The following CCDC33 variants were observed in gnomAD, a reference collection of about 807,000 sequenced individuals.
The protein encoded by CCDC33 is coiled-coil domain-containing protein 33.
A neutral mutation model predicts 91.9 loss-of-function variants in CCDC33; 94 were observed. The ratio of observed to expected loss-of-function variants is 1.02; its 90% CI spans 0.87 to 1.21. CCDC33 has a LOEUF of 1.21. CCDC33 is among the 50% of genes most tolerant of loss of function. The pLI is 0.00. For synonymous variants in CCDC33, 396 were observed against 374.5 expected (o/e 1.06, Z -0.66); for missense variants, 940 against 935.5 (o/e 1.00, Z -0.06).
At chr15:74,318,473 G>T in intron 11 of CCDC33, 3 of 553,762 alleles carry the variant, frequency 5.4e-6, no homozygotes, top group Non-Finnish European at 6.4e-6. Context: ...AAGGGGAAGT[G>T]GCCCCATGGG....
intron 11 of CCDC33, among the ~76,000 whole-genome samples, chr15:74,306,467 A>G (rs531175752): frequency 6.6e-6 from 1 of 152,286 alleles, no homozygotes; most frequent in South Asian, 2.1e-4. Flanking sequence ...TGTTGGTGGA[A>G]GGGAAATGAA....
chr15:74,208,789 C>T, intron 1 of CCDC33: 1 of 988,838 alleles, frequency 1.0e-6, no homozygotes, highest in Non-Finnish European at 1.2e-6. Flanking sequence ...CCAGACTTGG[C>T]TCCAGCCTAC....
intron 7 of CCDC33, among the ~76,000 whole-genome samples, chr15:74,279,290 TG>T (rs2076528008): frequency 6.6e-6 from 1 of 152,180 alleles, no homozygotes; most frequent in African/African-American, 2.4e-5. Context: ...ACTCAAGTCA[TG>T]GGTAATGAGC....
intron 3 of CCDC33, among the ~76,000 whole-genome samples, chr15:74,265,554 G>T (rs1306306057): frequency 6.6e-6 from 1 of 152,128 alleles, no homozygotes; most frequent in African/African-American, 2.4e-5. Flanking sequence ...GAGCTCCATT[G>T]TTCATATTTT....
rs1456617537 is a variant in CCDC33 at position 74,217,232 on chromosome 15, G to A, written c.-40G>A. 3.3e-6 allele frequency: 4 copies of A among 1,221,954 alleles called. No homozygotes were observed. The South Asian group carries it at 4.3e-5, about 13-fold the overall frequency. 75.7% of individuals were successfully genotyped at this position (1,221,954 alleles called of 1,614,324 possible). A position where few individuals can be genotyped will look rare whatever the true frequency, so the allele number is the denominator to read the frequency against. On this transcript the variant is annotated 5_prime_UTR_variant, in exon 1 of 3. Transcript: ENST00000635913. ...GGTCCAGGCTGGGCTGTGGGTGAGA[G>A]GGTGCAGTGCTCAGCCTGGCAGTTG...
chr15:74,239,946 A>G (rs2075294035), intron 1 of CCDC33, among the ~76,000 whole-genome samples: 1 of 152,314 alleles, frequency 6.6e-6, no homozygotes, highest in Non-Finnish European at 1.5e-5. Context: ...GGTCGAGGAC[A>G]TTGGTTCTGA....
At chr15:74,211,411 T>C (rs1182944452) in intron 2 of CCDC33, among the ~76,000 whole-genome samples, 1 of 148,142 alleles carries the variant, frequency 6.8e-6, no homozygotes, top group East Asian at 2.0e-4. Context: ...TTTTTTTTTT[T>C]TTTTTTGAGA....
intron 16 of CCDC33, chr15:74,333,064 G>C (rs181617521): frequency 9.0e-5 from 69 of 768,636 alleles, no homozygotes; most frequent in Non-Finnish European, 1.4e-4. Flanking sequence ...TAGCATCCCA[G>C]GAGAAAGCAA....
Position 74,333,869 on chromosome 15 carries a change from C to A in CCDC33, c.1939-12C>A. The A allele has an allele frequency of 6.2e-7, 1 of 1,610,670 alleles. No individual in the cohort carries two copies. The highest frequency in any genetic ancestry group is 8.5e-7 in the Non-Finnish European group (1 of 1,177,472). ...AGCTGGGGCCAAATGTGAGTTTGTG[C>A]TTTGCCCACAGGATCTCCTCTCTGG... On this transcript the variant is annotated splice_polypyrimidine_tract_variant and intron_variant, in intron 16 of 18. Coordinates refer to ENST00000398814, the MANE Select transcript of CCDC33 (RefSeq NM_025055.5).
At chr15:74,262,414 A>T (rs747818718) in intron 2 of CCDC33, 26 bp from the exon 3 acceptor site, 9 of 1,612,550 alleles carry the variant, frequency 5.6e-6, no homozygotes, top group Admixed American at 3.3e-5. Flanking sequence ...CCTCCCTTTG[A>T]CTCACCCTGC....
Position 74,266,792 on chromosome 15 carries a change from G to A in CCDC33, c.429+5G>A, listed in dbSNP as rs1482364538. On this transcript the variant is annotated splice_donor_5th_base_variant and intron_variant, in intron 4 of 18. Coordinates refer to ENST00000398814, the MANE Select transcript of CCDC33 (RefSeq NM_025055.5). The stretch of plus-strand genomic sequence containing the variant: ...TACCACTTTGAGCTGGTGAAGGTGA[G>A]TCAGAGGCCTGGGGAAGTGCCGGGA... 1.2e-6 allele frequency: 2 copies of A among 1,607,316 alleles called. No homozygotes were observed. The highest frequency in any genetic ancestry group is 1.1e-5 in the South Asian group (1 of 90,936).
chr15:74,228,611 C>T (rs1367954424), intron 2 of CCDC33, among the ~76,000 whole-genome samples: 1 of 152,246 alleles, frequency 6.6e-6, no homozygotes, highest in Non-Finnish European at 1.5e-5. Flanking sequence ...CTCCTTACCC[C>T]ACCCGGAAGC....
At chr15:74,230,984 C>T (rs2074953236) in intron 2 of CCDC33, among the ~76,000 whole-genome samples, 1 of 152,152 alleles carries the variant, frequency 6.6e-6, no homozygotes, top group South Asian at 2.1e-4. Context: ...GACCAGAGCC[C>T]ACAAGAACTA....
At chr15:74,214,424 C>G (rs1365375868), upstream of CCDC33, among the ~76,000 whole-genome samples, 1 of 152,158 alleles carries the variant, frequency 6.6e-6, no homozygotes, top group African/African-American at 2.4e-5. Flanking sequence ...GGCCCTGCCC[C>G]CCAGAGACAG....
chr15:74,206,125 C>T (rs2074256572), intron 1 of CCDC33, among the ~76,000 whole-genome samples: 3 of 152,304 alleles, frequency 2.0e-5, no homozygotes, highest in East Asian at 1.9e-4. Context: ...ACAAGGCCCC[C>T]GTCCCTGCAC....
chr15:74,240,889 G>A (rs149309622), intron 1 of CCDC33, among the ~76,000 whole-genome samples: 170 of 152,302 alleles, frequency 1.1e-3, no homozygotes, highest in Middle Eastern at 0.01. Context: ...CACCACACCC[G>A]GCCAAGTTGA....
intron 11 of CCDC33, among the ~76,000 whole-genome samples, chr15:74,312,243 G>A (rs1005715057): frequency 6.6e-6 from 1 of 152,204 alleles, no homozygotes; most frequent in African/African-American, 2.4e-5. Flanking sequence ...TCGTTCCTCG[G>A]AGCCACGTGG....
chr15:74,274,152 A>T lies in CCDC33; in HGVS notation c.759+1261A>T, dbSNP rs78194663. Among the ~76,000 whole-genome samples the T allele has an allele frequency of 1.7e-3, 266 of 152,292 alleles. 2 individuals carry two copies. The highest frequency in any genetic ancestry group is 6.8e-3 in the Middle Eastern group (2 of 294). ...GCCGGCAGTCTTGAATTTTTAACAG[A>T]GGAAGGGTTGGTACAGGTTGGACAC... On this transcript the variant is annotated intron_variant, in intron 7 of 18. Coordinates refer to ENST00000398814, the MANE Select transcript of CCDC33 (RefSeq NM_025055.5).
At chr15:74,210,839 A>AGAGAG (rs2074356476) in intron 2 of CCDC33, among the ~76,000 whole-genome samples, 1 of 152,184 alleles carries the variant, frequency 6.6e-6, no homozygotes, top group Non-Finnish European at 1.5e-5. Context: ...GTTCTCAAAA[A>AGAGAG]GAGAGGTGTT....
Sources: allele counts gnomAD v4.1 joint callset (sites outside exome capture counted in the v4.1 genomes callset), GRCh38; gene constraint gnomAD v4.1.1; transcripts MANE v1.5; gene names NCBI Gene and HGNC (gene_info 2026-07-23, HGNC 2026-07-21).